Variants in GPC5 observed in about 807,000 individuals in gnomAD.
GPC5 encodes glypican 5.
A neutral mutation model predicts 53.9 loss-of-function variants in GPC5; 47 were observed. That is an observed-to-expected ratio of 0.87 (90% confidence interval 0.69 to 1.11). The LOEUF (loss-of-function observed/expected upper bound fraction) is 1.11. Ranked by LOEUF, GPC5 falls within the 50% of genes most tolerant of loss-of-function variation. The pLI is 0.00. For missense variants in GPC5, 748 were observed against 713.1 expected (o/e 1.05, Z -0.56); for synonymous variants, 286 against 263.3 (o/e 1.09, Z -0.84).
chr13:92,684,448 TTTAGTAGAGACAGGATTTCACCATA>T (rs1887198659), intron 7 of GPC5, among the ~76,000 whole-genome samples: 1 of 151,936 alleles, frequency 6.6e-6, no homozygotes, highest in Admixed American at 6.6e-5. Flanking sequence ...TTTTTGTATT[TTTAGTAGAGACAGGATTTCACCATA>T]TTGGCCAGGC....
intron 5 of GPC5, among the ~76,000 whole-genome samples, chr13:91,900,741 G>A (rs1295875852): frequency 1.3e-5 from 2 of 152,114 alleles, no homozygotes; most frequent in Admixed American, 6.6e-5. Flanking sequence ...GTAGGCAAAA[G>A]TTCATTTGTG....
At chr13:92,603,034 G>A (rs1442395440) in intron 7 of GPC5, among the ~76,000 whole-genome samples, 1 of 152,174 alleles carries the variant, frequency 6.6e-6, no homozygotes, top group East Asian at 1.9e-4. Flanking sequence ...GCCCATCTGA[G>A]CCTATGTACA....
chr13:91,577,965 A>T (rs2032200431), intron 2 of GPC5, among the ~76,000 whole-genome samples: 2 of 152,220 alleles, frequency 1.3e-5, no homozygotes, highest in African/African-American at 4.8e-5. Context: ...TAAGGCAGAA[A>T]TGATAGTGTG....
At chr13:91,551,338 AT>A (rs983917159) in intron 2 of GPC5, among the ~76,000 whole-genome samples, 1 of 152,130 alleles carries the variant, frequency 6.6e-6, no homozygotes, top group Non-Finnish European at 1.5e-5. Flanking sequence ...CATCCATTTT[AT>A]TTTATCTGAA....
intron 6 of GPC5, among the ~76,000 whole-genome samples, chr13:91,971,554 T>A (rs2040242363): frequency 6.6e-6 from 1 of 152,156 alleles, no homozygotes; most frequent in Admixed American, 6.5e-5. Context: ...TTAATTGTGA[T>A]GTTAGGGTGT....
chr13:91,881,646 G>A (rs1251225360), intron 5 of GPC5, among the ~76,000 whole-genome samples: 1 of 152,090 alleles, frequency 6.6e-6, no homozygotes, highest in Non-Finnish European at 1.5e-5. Flanking sequence ...TATTAAACAT[G>A]GTTCCAAGGA....
chr13:92,284,679 C>A (rs2042940970), intron 7 of GPC5, among the ~76,000 whole-genome samples: 1 of 152,150 alleles, frequency 6.6e-6, no homozygotes, highest in African/African-American at 2.4e-5. Flanking sequence ...ACGCCTCTGA[C>A]AAAATTCAAC....
At chr13:92,682,590 A>T (rs1887143865) in intron 7 of GPC5, among the ~76,000 whole-genome samples, 1 of 152,192 alleles carries the variant, frequency 6.6e-6, no homozygotes, top group South Asian at 2.1e-4. Flanking sequence ...AGCATAAGCA[A>T]AACACAGAAA....
intron 5 of GPC5, among the ~76,000 whole-genome samples, chr13:91,769,153 T>C (rs1391308090): frequency 6.6e-6 from 1 of 152,228 alleles, no homozygotes; most frequent in Non-Finnish European, 1.5e-5. Context: ...AGTTGCAGTC[T>C]TGAGTCCAAA....
chr13:92,032,430 T>G (rs2040859904), intron 6 of GPC5, among the ~76,000 whole-genome samples: 1 of 149,618 alleles, frequency 6.7e-6, no homozygotes. Flanking sequence ...CCCCCAAACC[T>G]ATGGAAATAA....
chr13:91,815,845 G>A (rs1399940300), intron 5 of GPC5, among the ~76,000 whole-genome samples: 2 of 151,988 alleles, frequency 1.3e-5, no homozygotes, highest in African/African-American at 2.4e-5. Flanking sequence ...CAAATGAAGT[G>A]GCCTCTTTCT....
intron 1 of GPC5, among the ~76,000 whole-genome samples, chr13:91,421,545 T>C (rs1163378834): frequency 1.3e-5 from 2 of 152,200 alleles, no homozygotes. Flanking sequence ...AAATCCTTTG[T>C]TGAACACTGC....
chr13:92,858,449 G>A (rs1879076620), intron 7 of GPC5, among the ~76,000 whole-genome samples: 2 of 152,086 alleles, frequency 1.3e-5, no homozygotes, highest in African/African-American at 2.4e-5. Flanking sequence ...TTAGCAGCAT[G>A]AGAACAAACT....
intron 7 of GPC5, among the ~76,000 whole-genome samples, chr13:92,663,455 C>T (rs1886416908): frequency 6.6e-6 from 1 of 151,064 alleles, no homozygotes; most frequent in Non-Finnish European, 1.5e-5. Context: ...AGATGGCAAA[C>T]AGGTGGGGCG....
chr13:92,038,636 T>A (rs1268179419), intron 6 of GPC5, among the ~76,000 whole-genome samples: 1 of 151,052 alleles, frequency 6.6e-6, no homozygotes, highest in Non-Finnish European at 1.5e-5. Context: ...TGAATATTTC[T>A]CCCTCAATGT....
intron 6 of GPC5, among the ~76,000 whole-genome samples, chr13:92,001,988 G>C (rs893966474): frequency 2.0e-5 from 3 of 152,110 alleles, no homozygotes; most frequent in Non-Finnish European, 4.4e-5. Flanking sequence ...ATGAATTGTG[G>C]ACAATAAAGA....
Position 91,399,227 on chromosome 13 carries a change from G to T in GPC5, c.163+18G>T, listed in dbSNP as rs759326199. The T allele has an allele frequency of 6.2e-7, 1 of 1,608,758 alleles. No homozygotes were observed. Among genetic ancestry groups the T allele is most frequent in the South Asian group, 1.1e-5 (1 of 90,548 alleles). On this transcript the variant is annotated intron_variant, in intron 1 of 7. Transcript: ENST00000377067. ...GCGGGCAGGTAAGGGGCAATGAGGGGGTCTCTGGACTGGCGGCGTCCGAGC... is the reference window on the plus strand; with the variant it reads ...GCGGGCAGGTAAGGGGCAATGAGGGTGTCTCTGGACTGGCGGCGTCCGAGC...
rs1594247310 is a variant in GPC5 at position 92,492,372 on chromosome 13, A to G, written c.1561+347383A>G. Among the ~76,000 whole-genome samples the G allele has an allele frequency of 1.3e-5, 2 of 151,870 alleles. 1 individual carries two copies. The highest frequency in any genetic ancestry group is 1.3e-4 in the Admixed American group (2 of 15,216). ...GGTGGGAGAGGGGGGAGGGATAGCAATAGGAGATATACCTAATGTAAATGA... is the reference window on the plus strand; with the variant it reads ...GGTGGGAGAGGGGGGAGGGATAGCAGTAGGAGATATACCTAATGTAAATGA... On this transcript the variant is annotated intron_variant, in intron 7 of 7. Transcript: ENST00000377067.
intron 7 of GPC5, among the ~76,000 whole-genome samples, chr13:92,418,984 T>C (rs1199472433): frequency 1.3e-5 from 2 of 152,210 alleles, no homozygotes; most frequent in Admixed American, 6.5e-5. Flanking sequence ...ATTGCTTGTC[T>C]AATGTAAATA....
Sources: allele counts gnomAD v4.1 joint callset (sites outside exome capture counted in the v4.1 genomes callset), GRCh38; gene constraint gnomAD v4.1.1; transcripts MANE v1.5; gene names NCBI Gene and HGNC (gene_info 2026-07-23, HGNC 2026-07-21).